ABAT: variants seen among roughly 807,000 people sequenced by gnomAD.
The protein encoded by ABAT is 4-aminobutyrate aminotransferase, also known as 4-aminobutyrate aminotransferase, mitochondrial.
In ABAT, 45 loss-of-function variants were observed where a neutral mutation model predicts 64.6. That is an observed-to-expected ratio of 0.70 (90% CI 0.55 to 0.89). ABAT has a LOEUF of 0.89. Ranked by LOEUF, ABAT falls within the 40% of genes least tolerant of loss-of-function variation. The pLI, the probability that ABAT is intolerant of heterozygous loss-of-function variation, is 0.00. For synonymous variants in ABAT, 297 were observed against 250.5 expected (o/e 1.19, Z -1.75); for missense variants, 633 against 658.4 (o/e 0.96, Z 0.42).
At chr16:8,757,690 G>C in intron 5 of ABAT, 67 bp from the exon 6 acceptor site, 1 of 1,479,478 alleles carries the variant, frequency 6.8e-7, no homozygotes, top group Non-Finnish European at 9.5e-7. Context: ...GAGGGAAGGA[G>C]AGGTGGGAGG....
intron 2 of ABAT, among the ~76,000 whole-genome samples, chr16:8,743,514 TTATAG>T (rs1431902398): frequency 1.4e-5 from 2 of 142,488 alleles, no homozygotes; most frequent in Non-Finnish European, 3.0e-5. Flanking sequence ...TATATTTTAG[TTATAG>T]TATATAATAT....
chr16:8,770,947 C>T (rs966606006), intron 11 of ABAT, among the ~76,000 whole-genome samples: 1 of 152,068 alleles, frequency 6.6e-6, no homozygotes, highest in Non-Finnish European at 1.5e-5. Context: ...TCCTTTTCTT[C>T]GTATTCAGTT....
chr16:8,703,348 C>G (rs551186093), intron 1 of ABAT, among the ~76,000 whole-genome samples: 3 of 151,504 alleles, frequency 2.0e-5, no homozygotes, highest in Non-Finnish European at 2.9e-5. Context: ...CCCAGCTACT[C>G]GGGAGGCTGA....
In ABAT at chr16:8,764,865, AGGCT is replaced by A. The variant is rs2059898832; in HGVS notation, c.540+36_540+39del. ...GGGGCACACACACACACACACACAC[AGGCT>A]CCCCAGCACCCAGCCACACGCTCAC... On this transcript the variant is annotated intron_variant, in intron 8 of 15. Transcript: ENST00000268251. This position sits in a 1 kb window ranked among gnomAD's most constrained non-coding sequence, Gnocchi z 4.2. The A allele has an allele frequency of 2.6e-6, 4 of 1,523,544 alleles. No homozygotes were observed. Among genetic ancestry groups the A allele is most frequent in the Non-Finnish European group, 3.6e-6 (4 of 1,099,372 alleles). 94.4% of individuals were successfully genotyped at this position (1,523,544 alleles called of 1,614,324 possible).
chr16:8,775,068 GCCAA>G lies in ABAT; in HGVS notation c.1122+14_1122+17del. The G allele has an allele frequency of 1.9e-6, 3 of 1,614,166 alleles. No homozygotes were observed. The highest frequency in any genetic ancestry group is 2.5e-6 in the Non-Finnish European group (3 of 1,180,032). ...TTCAGGCCTAATGCTGTGAGTTGGA[GCCAA>G]CCTTCTCTCTACATCCAGGGCAGAG... On this transcript the variant is annotated intron_variant, in intron 13 of 15. Coordinates refer to ENST00000268251, the MANE Select transcript of ABAT (RefSeq NM_020686.6).
intron 1 of ABAT, chr16:8,683,125 C>T (rs1053519727): frequency 6.6e-6 from 1 of 152,132 alleles, no homozygotes; most frequent in Non-Finnish European, 1.5e-5. Flanking sequence ...CTCGCTTTAC[C>T]CGTGGGAAAC....
At chr16:8,741,975 A>G (rs2059172863) in intron 2 of ABAT, among the ~76,000 whole-genome samples, 2 of 152,368 alleles carry the variant, frequency 1.3e-5, no homozygotes, top group Middle Eastern at 3.4e-3. Flanking sequence ...GCATTTTAGT[A>G]AAGACTGAAT....
intron 1 of ABAT, among the ~76,000 whole-genome samples, chr16:8,723,824 TATA>T (rs1471323148): frequency 3.5e-5 from 2 of 56,986 alleles, no homozygotes; most frequent in African/African-American, 1.3e-4. Context: ...TATATATATA[TATA>T]TTTTTTTTTT....
intron 12 of ABAT, among the ~76,000 whole-genome samples, chr16:8,774,087 C>T (rs138837935): frequency 6.6e-6 from 1 of 152,252 alleles, no homozygotes; most frequent in Non-Finnish European, 1.5e-5. Context: ...CGACACCATG[C>T]CCAGCTAATT....
Position 8,764,653 on chromosome 16 carries a change from C to A in ABAT, c.448-85C>A. ...GTTCTGTCTGTCCCCGGTACGGCCCCTGCGAAGATTCAGCTCCAGCCAGGG... is the reference window on the plus strand; with the variant it reads ...GTTCTGTCTGTCCCCGGTACGGCCCATGCGAAGATTCAGCTCCAGCCAGGG... On this transcript the variant is annotated intron_variant, in intron 7 of 15. Transcript: ENST00000268251. The surrounding 1 kb of genome is among the most constrained non-coding windows in gnomAD (Gnocchi z 4.2). The A allele has an allele frequency of 7.7e-7, 1 of 1,291,380 alleles. No individual in the cohort carries two copies. Among genetic ancestry groups the A allele is most frequent in the East Asian group, 2.3e-5 (1 of 43,104 alleles). 80.0% of individuals were successfully genotyped at this position (1,291,380 alleles called of 1,614,324 possible).
intron 9 of ABAT, among the ~76,000 whole-genome samples, chr16:8,767,910 C>T (rs1159500474): frequency 2.6e-5 from 4 of 151,726 alleles, no homozygotes; most frequent in East Asian, 3.9e-4. Context: ...TCCTGACCTC[C>T]GATGATCCGC....
At position 8,782,475 on chromosome 16, in the gene ABAT, G is replaced by A. The variant is rs1214156511; in HGVS notation, c.*1045G>A. On this transcript the variant is annotated 3_prime_UTR_variant, in exon 16 of 16. Coordinates refer to ENST00000268251, the MANE Select transcript of ABAT (RefSeq NM_020686.6). ...TTCCACCAGAGCAGAGGGAATCATT[G>A]CTGGACTGGATTTCTTCTGGAGGGA... The A allele has an allele frequency of 6.6e-6, 1 of 152,274 alleles. No individual in the cohort carries two copies. Among genetic ancestry groups the A allele is most frequent in the Non-Finnish European group, 1.5e-5 (1 of 68,064 alleles). The allele number at this position is 152,274 out of a possible 1,614,324, so 9.4% of individuals were successfully genotyped here.
At chr16:8,765,986 G>C in intron 8 of ABAT, 1 of 507,588 alleles carries the variant, frequency 2.0e-6, no homozygotes, top group Non-Finnish European at 3.7e-6. Context: ...GATCTTAATC[G>C]TTGCTGATGG....
intron 1 of ABAT, among the ~76,000 whole-genome samples, chr16:8,683,792 T>C (rs927718331): frequency 1.3e-5 from 2 of 152,212 alleles, no homozygotes; most frequent in African/African-American, 4.8e-5. Context: ...GTATCTATAG[T>C]ATTGAACAAG....
At chr16:8,755,226 C>T (rs2059616899) in intron 5 of ABAT, among the ~76,000 whole-genome samples, 1 of 152,080 alleles carries the variant, frequency 6.6e-6, no homozygotes, top group African/African-American at 2.4e-5. Context: ...AGGTGGGTCT[C>T]CTACGCCTCC....
chr16:8,702,382 A>G (rs1012786934), intron 1 of ABAT, among the ~76,000 whole-genome samples: 1 of 151,908 alleles, frequency 6.6e-6, no homozygotes, highest in Non-Finnish European at 1.5e-5. Context: ...CCTCCCAAGT[A>G]GCTGGGATTA....
chr16:8,724,055 G>A (rs2058463227), intron 1 of ABAT, among the ~76,000 whole-genome samples: 1 of 151,418 alleles, frequency 6.6e-6, no homozygotes, highest in South Asian at 2.1e-4. Flanking sequence ...TGGCCAGGCT[G>A]GTCTTGAACT....
At chr16:8,735,153 G>A (rs1324002874) in intron 1 of ABAT, among the ~76,000 whole-genome samples, 3 of 140,284 alleles carry the variant, frequency 2.1e-5, no homozygotes, top group Non-Finnish European at 4.5e-5. Flanking sequence ...CAGCCTGAGC[G>A]ATAGAATGAG....
intron 1 of ABAT, among the ~76,000 whole-genome samples, chr16:8,725,367 C>A (rs1384940564): frequency 6.6e-6 from 1 of 152,174 alleles, no homozygotes; most frequent in Non-Finnish European, 1.5e-5. Flanking sequence ...ATTAAGCAGT[C>A]ATCTCTCATT....
Sources: gnomAD v4.1 joint callset for allele counts (sites outside exome capture counted in the v4.1 genomes callset) on GRCh38, gnomAD v4.1.1 for gene constraint, Gnocchi (gnomAD v3.1) non-coding constraint, MANE v1.5 for transcripts, NCBI Gene and HGNC (gene_info 2026-07-23, HGNC 2026-07-21) for gene names.